SDK1: variants seen among roughly 807,000 people sequenced by gnomAD.
The protein encoded by SDK1 is protein sidekick-1.
In SDK1, 157 loss-of-function variants were observed where a neutral mutation model predicts 245.5. The observed-to-expected ratio is 0.64, with a 90% CI of 0.56 to 0.73. The LOEUF (loss-of-function observed/expected upper bound fraction) is 0.73. Ranked by LOEUF, SDK1 falls within the 30% of genes least tolerant of loss-of-function variation. The probability of loss-of-function intolerance (pLI) is 0.00; values close to 1 mark genes in which losing one functional copy is unlikely to be tolerated. For missense variants in SDK1, 3,583 were observed against 3,002.3 expected, an observed-to-expected ratio of 1.19 and a Z score of -4.52; for synonymous variants, 1,647 against 1,278.5, an observed-to-expected ratio of 1.29 and a Z score of -6.15.
intron 22 of SDK1, among the ~76,000 whole-genome samples, chr7:4,102,291 T>G (rs1433787644): frequency 1.3e-5 from 2 of 152,104 alleles, no homozygotes; most frequent in Non-Finnish European, 2.9e-5. Context: ...CTCAGGAGGT[T>G]TCATTTGGCT....
chr7:3,672,331 A>C (rs1454731816), intron 4 of SDK1, among the ~76,000 whole-genome samples: 2 of 151,820 alleles, frequency 1.3e-5, no homozygotes, highest in Non-Finnish European at 2.9e-5. Context: ...CATCTACCCT[A>C]CTGCACCCCC....
chr7:3,704,199 A>G (rs553341511), intron 4 of SDK1, among the ~76,000 whole-genome samples: 5 of 152,102 alleles, frequency 3.3e-5, no homozygotes, highest in East Asian at 3.9e-4. Context: ...GCTCCATTCA[A>G]GTTTCCGCCA....
At chr7:3,875,544 A>C (rs1781054786) in intron 5 of SDK1, among the ~76,000 whole-genome samples, 1 of 152,192 alleles carries the variant, frequency 6.6e-6, no homozygotes, top group Admixed American at 6.5e-5. Flanking sequence ...TGCAGTGGGA[A>C]AGGGGCTGTG....
intron 5 of SDK1, among the ~76,000 whole-genome samples, chr7:3,852,116 C>T (rs1019248059): frequency 7.3e-5 from 11 of 151,208 alleles, no homozygotes; most frequent in African/African-American, 2.2e-4. Context: ...GAGGACCGGC[C>T]TCAGTGCCAG....
At chr7:3,847,251 CTTCATCAAG>C (rs1185564508) in intron 5 of SDK1, among the ~76,000 whole-genome samples, 1 of 152,130 alleles carries the variant, frequency 6.6e-6, no homozygotes, top group Non-Finnish European at 1.5e-5. Flanking sequence ...GTACCATCGA[CTTCATCAAG>C]TTCATTATTT....
intron 1 of SDK1, among the ~76,000 whole-genome samples, chr7:3,603,037 C>T (rs934854370): frequency 3.9e-5 from 6 of 152,028 alleles, no homozygotes; most frequent in Admixed American, 3.3e-4. Context: ...TTCCATTGAT[C>T]TATATCTCTG....
chr7:4,022,098 G>A (rs1045396861), intron 17 of SDK1, among the ~76,000 whole-genome samples: 15 of 152,216 alleles, frequency 9.9e-5, no homozygotes, highest in African/African-American at 3.6e-4. Flanking sequence ...CAGCCTAGGG[G>A]CTTGAGCAGG....
At chr7:3,715,374 C>T (rs551854130) in intron 4 of SDK1, among the ~76,000 whole-genome samples, 33 of 152,268 alleles carry the variant, frequency 2.2e-4, no homozygotes, top group Admixed American at 3.9e-4. Flanking sequence ...AGGTAGGCTA[C>T]GTAGGTTCTT....
At chr7:3,395,250 C>G (rs1232286885) in intron 1 of SDK1, among the ~76,000 whole-genome samples, 1 of 151,788 alleles carries the variant, frequency 6.6e-6, no homozygotes, top group Non-Finnish European at 1.5e-5. Context: ...GGTTTTTATT[C>G]TGTATTAATA....
intron 5 of SDK1, among the ~76,000 whole-genome samples, chr7:3,882,759 C>G (rs1287833698): frequency 6.6e-6 from 1 of 151,904 alleles, no homozygotes; most frequent in African/African-American, 2.4e-5. Context: ...TTGGCAGGGT[C>G]TCTCCTGGAA....
intron 5 of SDK1, among the ~76,000 whole-genome samples, chr7:3,866,432 C>T (rs1484609212): frequency 1.3e-5 from 2 of 152,110 alleles, no homozygotes; most frequent in African/African-American, 2.4e-5. Context: ...GAAAGGGGGC[C>T]AAGTGATTCT....
chr7:3,787,538 T>TA (rs146938150), intron 4 of SDK1, among the ~76,000 whole-genome samples: 3,293 of 149,832 alleles, frequency 0.022, 99 homozygotes, highest in African/African-American at 0.073. Flanking sequence ...TGGCATTGGT[T>TA]AAAAAAAAAA....
chr7:4,091,341 T>TTTTC (rs1562795943), intron 22 of SDK1, among the ~76,000 whole-genome samples: 24 of 140,332 alleles, frequency 1.7e-4, no homozygotes, highest in Middle Eastern at 3.5e-3. Flanking sequence ...TTTCTTTTTT[T>TTTTC]TTTTTTTTTT....
chr7:4,075,954 G>T (rs1467776111), intron 20 of SDK1, among the ~76,000 whole-genome samples: 1 of 152,072 alleles, frequency 6.6e-6, no homozygotes, highest in Non-Finnish European at 1.5e-5. Flanking sequence ...TGCCCCGCAG[G>T]TCTTTTTTCT....
chr7:4,017,001 A>T (rs778818607), intron 16 of SDK1, among the ~76,000 whole-genome samples, 170 bp from the exon 17 acceptor site: 9 of 152,206 alleles, frequency 5.9e-5, no homozygotes, highest in Non-Finnish European at 1.0e-4. Context: ...ATTAGAGCAC[A>T]CTTTTCAAAA....
At chr7:3,938,195 A>G (rs983178371) in intron 5 of SDK1, among the ~76,000 whole-genome samples, 10 of 152,172 alleles carry the variant, frequency 6.6e-5, no homozygotes, top group African/African-American at 2.4e-4. Flanking sequence ...TTACATTCTC[A>G]GCAACTTTAG....
chr7:3,970,085 A>G (rs1434302075), intron 11 of SDK1, among the ~76,000 whole-genome samples: 2 of 152,200 alleles, frequency 1.3e-5, no homozygotes, highest in South Asian at 2.1e-4. Context: ...TTTAACTTCA[A>G]TTGCCAATAC....
intron 22 of SDK1, among the ~76,000 whole-genome samples, chr7:4,101,532 C>T (rs1255873635): frequency 6.6e-6 from 1 of 152,180 alleles, no homozygotes; most frequent in African/African-American, 2.4e-5. Flanking sequence ...GGTCCTACCA[C>T]TGAAATCAAG....
At chr7:3,659,579 C>T (rs891855) in intron 4 of SDK1, among the ~76,000 whole-genome samples, 6 of 151,882 alleles carry the variant, frequency 4.0e-5, no homozygotes, top group African/African-American at 7.3e-5. Context: ...CCCAAAGTGA[C>T]GTCGGCAGGG....
Sources: allele counts gnomAD v4.1 joint callset (sites outside exome capture counted in the v4.1 genomes callset), GRCh38; gene constraint gnomAD v4.1.1; transcripts MANE v1.5; gene names NCBI Gene and HGNC (gene_info 2026-07-23, HGNC 2026-07-21).